SLC44A5: variants seen among roughly 807,000 people sequenced by gnomAD.
SLC44A5 encodes solute carrier family 44 member 5.
In SLC44A5, 57 loss-of-function variants were observed where a neutral mutation model predicts 101.8. That is an observed-to-expected ratio of 0.56 (90% CI 0.45 to 0.70). The LOEUF is 0.70. Ranked by LOEUF, SLC44A5 falls within the 30% of genes least tolerant of loss-of-function variation. The probability of loss-of-function intolerance (pLI) is 0.00; values close to 1 mark genes in which losing one functional copy is unlikely to be tolerated. For synonymous variants in SLC44A5, 281 were observed against 290.9 expected (o/e 0.97, Z 0.35); for missense variants, 737 against 853.1 (o/e 0.86, Z 1.70).
At chr1:75,629,085 C>A in the SLC44A5 span, among the ~76,000 whole-genome samples, 1 of 151,888 alleles carries the variant, frequency 6.6e-6, no homozygotes, top group Non-Finnish European at 1.5e-5. Flanking sequence ...AGTGATATAG[C>A]AGAAAGGAAG....
At position 75,437,404 on chromosome 1, in the gene SLC44A5, T is replaced by C. The variant is rs574667254; in HGVS notation, c.14-40783A>G. On this transcript the variant is annotated intron_variant, in intron 2 of 23. Coordinates refer to ENST00000370859, the MANE Select transcript of SLC44A5 (RefSeq NM_001130058.2). ...TCTTTCATTAACTGAAATATCATTATGCAGCACATGACTGTACATGCAGCT... is the reference window on the plus strand; with the variant it reads ...TCTTTCATTAACTGAAATATCATTACGCAGCACATGACTGTACATGCAGCT... Among the ~76,000 whole-genome samples, 11 of 152,272 alleles carry C rather than the reference T, an allele frequency of 7.2e-5. No homozygotes were observed. In the South Asian group the frequency reaches 2.1e-3, roughly 29 times the overall value.
At chr1:75,261,882 T>C (rs1439876470) in intron 6 of SLC44A5, among the ~76,000 whole-genome samples, 1 of 151,976 alleles carries the variant, frequency 6.6e-6, no homozygotes. Flanking sequence ...TAACAACCAA[T>C]GACCAAAAAC....
At chr1:75,440,351 A>C (rs918486052) in intron 2 of SLC44A5, among the ~76,000 whole-genome samples, 1 of 152,134 alleles carries the variant, frequency 6.6e-6, no homozygotes, top group African/African-American at 2.4e-5. Flanking sequence ...GTTATGAAGA[A>C]GGCATTAAGG....
intron 6 of SLC44A5, among the ~76,000 whole-genome samples, chr1:75,270,009 A>G (rs1159313640): frequency 1.3e-5 from 2 of 152,028 alleles, no homozygotes; most frequent in Non-Finnish European, 2.9e-5. Context: ...CTTGGTTCTC[A>G]TTCTGTCTTG....
the SLC44A5 span, among the ~76,000 whole-genome samples, chr1:75,691,023 C>A: frequency 3.9e-5 from 6 of 152,034 alleles, no homozygotes; most frequent in South Asian, 1.3e-3. Context: ...AAGGTGGAGG[C>A]CCCAAACCCT....
intron 2 of SLC44A5, among the ~76,000 whole-genome samples, chr1:75,495,846 A>G (rs1445288409): frequency 6.6e-6 from 1 of 152,156 alleles, no homozygotes; most frequent in Non-Finnish European, 1.5e-5. Context: ...TATATACTTA[A>G]GGGGTACATA....
At chr1:75,321,101 A>G (rs1455878916) in intron 4 of SLC44A5, among the ~76,000 whole-genome samples, 2 of 152,172 alleles carry the variant, frequency 1.3e-5, no homozygotes, top group African/African-American at 4.8e-5. Flanking sequence ...CATTAGAGAA[A>G]GCATTTGTTG....
chr1:75,409,656 GAAT>G, intron 2 of SLC44A5, among the ~76,000 whole-genome samples: 1 of 151,922 alleles, frequency 6.6e-6, no homozygotes, highest in East Asian at 1.9e-4. Flanking sequence ...AAATAATTTA[GAAT>G]AATTATTTTT....
the SLC44A5 span, among the ~76,000 whole-genome samples, chr1:75,668,825 T>A: frequency 3.3e-5 from 5 of 151,180 alleles, no homozygotes; most frequent in African/African-American, 1.2e-4. Flanking sequence ...CAAAACCCCA[T>A]CTCTATTAAA....
chr1:75,590,708 G>C (rs995968735), intron 1 of SLC44A5, among the ~76,000 whole-genome samples: 2 of 152,152 alleles, frequency 1.3e-5, no homozygotes, highest in African/African-American at 4.8e-5. Flanking sequence ...ATGGGGTGAG[G>C]TTCCTCTGCC....
chr1:75,536,961 C>G (rs1414455119), intron 2 of SLC44A5, among the ~76,000 whole-genome samples: 1 of 121,806 alleles, frequency 8.2e-6, no homozygotes, highest in African/African-American at 3.1e-5. Context: ...AGCCGAGATC[C>G]CGCCACTGCA....
chr1:75,673,163 C>T, the SLC44A5 span, among the ~76,000 whole-genome samples: 1 of 152,080 alleles, frequency 6.6e-6, no homozygotes, highest in Non-Finnish European at 1.5e-5. Flanking sequence ...GTCTCTGATT[C>T]CAGGACTTGG....
chr1:75,385,327 A>G (rs1462101127), intron 3 of SLC44A5, among the ~76,000 whole-genome samples: 8 of 147,184 alleles, frequency 5.4e-5, no homozygotes, highest in African/African-American at 1.5e-4. Flanking sequence ...TAATAAAGAA[A>G]AAAAGAGAGA....
chr1:75,242,118 C>G, intron 8 of SLC44A5, 57 bp from the exon 9 acceptor site: 1 of 1,393,788 alleles, frequency 7.2e-7, no homozygotes, highest in Non-Finnish European at 1.0e-6. Context: ...TTACTTTATA[C>G]TGAATCTAAA....
intron 2 of SLC44A5, among the ~76,000 whole-genome samples, chr1:75,449,327 G>T (rs1445682299): frequency 6.6e-6 from 1 of 152,146 alleles, no homozygotes; most frequent in East Asian, 1.9e-4. Flanking sequence ...TCATGAGACT[G>T]GTCTGGCTTA....
At chr1:75,571,055 A>T (rs76538815) in intron 1 of SLC44A5, among the ~76,000 whole-genome samples, 162 of 152,262 alleles carry the variant, frequency 1.1e-3, no homozygotes, top group African/African-American at 3.7e-3. Context: ...AAAGAGAAAG[A>T]TATAAACTAG....
At chr1:75,618,357 G>A in the SLC44A5 span, among the ~76,000 whole-genome samples, 80 of 152,300 alleles carry the variant, frequency 5.3e-4, no homozygotes, top group Middle Eastern at 6.8e-3. Context: ...AACAGATGAG[G>A]AAACTGAGAC....
the SLC44A5 span, among the ~76,000 whole-genome samples, chr1:75,654,614 G>A: frequency 2.0e-5 from 3 of 152,048 alleles, no homozygotes; most frequent in Admixed American, 6.6e-5. Flanking sequence ...ATGATTTTAG[G>A]TGTAAATGAG....
intron 2 of SLC44A5, among the ~76,000 whole-genome samples, chr1:75,516,101 CTTGG>C (rs999822249): frequency 3.3e-5 from 5 of 152,176 alleles, no homozygotes; most frequent in Admixed American, 3.3e-4. Context: ...ATAAAAAATT[CTTGG>C]TTATTTCAAA....
Sources: gnomAD v4.1 joint callset for allele counts (sites outside exome capture counted in the v4.1 genomes callset) on GRCh38, gnomAD v4.1.1 for gene constraint, MANE v1.5 for transcripts, NCBI Gene and HGNC (gene_info 2026-07-23, HGNC 2026-07-21) for gene names.